The following DPT variants were observed in gnomAD, a reference collection of about 807,000 sequenced individuals.
The protein encoded by DPT is tyrosine-rich acidic matrix protein.
In DPT, 21 loss-of-function variants were observed where a neutral mutation model predicts 31.2. The ratio of observed to expected loss-of-function variants is 0.67; its 90% CI spans 0.48 to 0.97. The LOEUF is 0.97. Among genes scored for constraint, DPT ranks in the 50% least tolerant of loss-of-function variants. The pLI, the probability that DPT is intolerant of heterozygous loss-of-function variation, is 0.00. For missense variants in DPT, 262 were observed against 258.8 expected, an observed-to-expected ratio of 1.01 and a Z score of -0.08; for synonymous variants, 91 against 86.9, an observed-to-expected ratio of 1.05 and a Z score of -0.26.
chr1:168,726,320 A>G (rs565229203), intron 1 of DPT, among the ~76,000 whole-genome samples: 2 of 152,356 alleles, frequency 1.3e-5, no homozygotes, highest in East Asian at 3.9e-4. Context: ...CTTTTCTTCA[A>G]ATAGTTTGGG....
chr1:168,725,254 T>TTTCCTTTCCTTTCCTTTCCTTTC (rs1557852197), intron 1 of DPT, among the ~76,000 whole-genome samples: 6 of 33,912 alleles, frequency 1.8e-4, no homozygotes, highest in African/African-American at 5.2e-4. Flanking sequence ...CTTTCCTTTC[T>TTTCCTTTCCTTTCCTTTCCTTTC]CTTTCCCTTC....
At chr1:168,716,396 T>C (rs1013285518) in intron 1 of DPT, among the ~76,000 whole-genome samples, 24 of 152,282 alleles carry the variant, frequency 1.6e-4, no homozygotes, top group African/African-American at 5.3e-4. Flanking sequence ...TGTAAGAAGT[T>C]CTGGCAGACT....
At chr1:168,715,031 A>T (rs1011865362) in intron 1 of DPT, among the ~76,000 whole-genome samples, 1 of 152,004 alleles carries the variant, frequency 6.6e-6, no homozygotes, top group East Asian at 1.9e-4. Flanking sequence ...GCCACCAAGA[A>T]TCCTGGCTGT....
chr1:168,695,802 A>G lies in DPT; in HGVS notation c.*747T>C, dbSNP rs1572621732. ...CCCACAAGTTCCCAATCTGAATCCC[A>G]TTCTCTGACCATTCTCTGCTTCCTT... On this transcript the variant is annotated 3_prime_UTR_variant, in exon 4 of 4. Coordinates refer to ENST00000367817, the MANE Select transcript of DPT (RefSeq NM_001937.5). The G allele has an allele frequency of 5.8e-6, 1 of 171,482 alleles. No homozygotes were observed. Among genetic ancestry groups the G allele is most frequent in the Admixed American group, 6.3e-5 (1 of 15,866 alleles). 10.6% of individuals were successfully genotyped at this position (171,482 alleles called of 1,614,324 possible). A position where few individuals can be genotyped will look rare whatever the true frequency, so the allele number is the denominator to read the frequency against.
At chr1:168,701,479 C>T (rs1451391258) in intron 2 of DPT, among the ~76,000 whole-genome samples, 1 of 152,068 alleles carries the variant, frequency 6.6e-6, no homozygotes, top group Non-Finnish European at 1.5e-5. Context: ...GATTATGATT[C>T]ATTAGTTGAT....
intron 1 of DPT, among the ~76,000 whole-genome samples, chr1:168,727,752 G>A (rs1049255104): frequency 6.6e-5 from 10 of 151,560 alleles, no homozygotes; most frequent in African/African-American, 1.9e-4. Context: ...TCCCTAGGCT[G>A]GTCTCGAACT....
At chr1:168,708,733 T>C (rs1649778947) in intron 2 of DPT, among the ~76,000 whole-genome samples, 1 of 152,176 alleles carries the variant, frequency 6.6e-6, no homozygotes, top group African/African-American at 2.4e-5. Flanking sequence ...GGGAGCTGAA[T>C]TGCAGGAGGC....
intron 1 of DPT, 102 bp from the exon 2 acceptor site, chr1:168,714,448 A>T: frequency 2.2e-6 from 3 of 1,377,346 alleles, no homozygotes; most frequent in Non-Finnish European, 3.0e-6. Context: ...TCTGACCTAG[A>T]TTCTTAACAA....
intron 1 of DPT, among the ~76,000 whole-genome samples, chr1:168,720,318 A>G (rs1175369209): frequency 1.4e-4 from 21 of 152,210 alleles, no homozygotes. Context: ...TCTGATTGGT[A>G]TGCTGGACAG....
Position 168,696,435 on chromosome 1 carries a change from G to T in DPT, c.*114C>A. The T allele has an allele frequency of 1.2e-6, 1 of 843,244 alleles. No homozygotes were observed. Among genetic ancestry groups the T allele is most frequent in the Non-Finnish European group, 1.8e-6 (1 of 545,844 alleles). 52.2% of individuals were successfully genotyped at this position (843,244 alleles called of 1,614,324 possible). Reference sequence around the variant, plus strand: ...GGCATTGCAGTTACCAGCTCAGGGAGAAGGAAAGAGAGCAGCAGAAACTTC... The same window carrying T: ...GGCATTGCAGTTACCAGCTCAGGGATAAGGAAAGAGAGCAGCAGAAACTTC... On this transcript the variant is annotated 3_prime_UTR_variant, in exon 4 of 4. Coordinates refer to ENST00000367817, the MANE Select transcript of DPT (RefSeq NM_001937.5).
At chr1:168,721,863 G>T (rs1650123515) in intron 1 of DPT, among the ~76,000 whole-genome samples, 1 of 152,172 alleles carries the variant, frequency 6.6e-6, no homozygotes, top group Non-Finnish European at 1.5e-5. Context: ...CTCTCTTCCT[G>T]CCTGCATCTG....
At chr1:168,717,073 A>G (rs1253859539) in intron 1 of DPT, among the ~76,000 whole-genome samples, 1 of 152,190 alleles carries the variant, frequency 6.6e-6, no homozygotes, top group East Asian at 1.9e-4. Context: ...TATACCCATT[A>G]ATGGGATTGT....
intron 3 of DPT, among the ~76,000 whole-genome samples, chr1:168,699,993 C>T (rs1419286515): frequency 6.6e-6 from 1 of 152,044 alleles, no homozygotes; most frequent in Non-Finnish European, 1.5e-5. Flanking sequence ...ATCTTTAGGC[C>T]ATTTAAATTC....
intron 2 of DPT, among the ~76,000 whole-genome samples, chr1:168,703,515 C>T (rs1228263120): frequency 2.0e-5 from 3 of 152,222 alleles, no homozygotes; most frequent in Admixed American, 2.0e-4. Context: ...AGAAGCCTCT[C>T]CATGAGGTAC....
intron 1 of DPT, among the ~76,000 whole-genome samples, chr1:168,722,268 T>C (rs1650132673): frequency 6.6e-6 from 1 of 152,174 alleles, no homozygotes; most frequent in South Asian, 2.1e-4. Context: ...TAATAAATAT[T>C]CAAGACACTT....
chr1:168,718,720 A>G (rs1650038225), intron 1 of DPT, among the ~76,000 whole-genome samples: 1 of 152,238 alleles, frequency 6.6e-6, no homozygotes, highest in Non-Finnish European at 1.5e-5. Flanking sequence ...CATCTGTAAA[A>G]TGGGCATAAT....
Position 168,696,431 on chromosome 1 carries a change from G to C in DPT, c.*118C>G. ...AGTTGGCATTGCAGTTACCAGCTCA[G>C]GGAGAAGGAAAGAGAGCAGCAGAAA... On this transcript the variant is annotated 3_prime_UTR_variant, in exon 4 of 4. Coordinates refer to ENST00000367817, the MANE Select transcript of DPT (RefSeq NM_001937.5). 1 of 814,300 alleles carries C rather than the reference G, an allele frequency of 1.2e-6. No homozygotes were observed. The highest frequency in any genetic ancestry group is 1.9e-5 in the South Asian group (1 of 53,310). The allele number at this position is 814,300 out of a possible 1,614,324, so 50.4% of individuals were successfully genotyped here.
chr1:168,696,416 G>T lies in DPT; in HGVS notation c.*133C>A, dbSNP rs1205319574. The T allele has an allele frequency of 2.9e-6, 2 of 691,482 alleles. No individual in the cohort carries two copies. The highest frequency in any genetic ancestry group is 3.6e-5 in the African/African-American group (2 of 54,952). The allele number at this position is 691,482 out of a possible 1,614,324, so 42.8% of individuals were successfully genotyped here. ...CAGAAAGGCCCAGGAAGTTGGCATT[G>T]CAGTTACCAGCTCAGGGAGAAGGAA... On this transcript the variant is annotated 3_prime_UTR_variant, in exon 4 of 4. Transcript: ENST00000367817.
chr1:168,709,284 T>C (rs923764463), intron 2 of DPT, among the ~76,000 whole-genome samples: 2 of 152,208 alleles, frequency 1.3e-5, no homozygotes, highest in South Asian at 2.1e-4. Flanking sequence ...AGAGAGATTA[T>C]GACAAACAAT....
Sources: gnomAD v4.1 joint callset for allele counts (sites outside exome capture counted in the v4.1 genomes callset) on GRCh38, gnomAD v4.1.1 for gene constraint, MANE v1.5 for transcripts, NCBI Gene and HGNC (gene_info 2026-07-23, HGNC 2026-07-21) for gene names.